The following SYN2 variants were observed in gnomAD, a reference collection of about 807,000 sequenced individuals.
SYN2 encodes synapsin II, also known as synapsin-2.
In SYN2, 19 loss-of-function variants were observed where a neutral mutation model predicts 50.9. That is an observed-to-expected ratio of 0.37 (90% confidence interval 0.26 to 0.55). The LOEUF is 0.55. SYN2 is among the 20% of genes least tolerant of loss of function. The pLI is 0.81. For synonymous variants in SYN2, 255 were observed against 224.9 expected, an observed-to-expected ratio of 1.13 and a Z score of -1.20; for missense variants, 587 against 576.4, an observed-to-expected ratio of 1.02 and a Z score of -0.19.
Position 12,162,145 on chromosome 3 carries a change from A to G in SYN2, c.971A>G (p.Lys324Arg). Reference sequence around the variant, plus strand: ...GTCCAGAAGATTGGCAACAACTACAAGGCTTACATGTGAGTAAGAGTGGGG... The same window carrying G: ...GTCCAGAAGATTGGCAACAACTACAGGGCTTACATGTGAGTAAGAGTGGGG... ...IRVQKIGNNY[K>R]AYMRTSISGN... The change falls in exon 7 of 13, where the codon AAG becomes AGG. Residue 324 changes from lysine (K) to arginine (R), a missense_variant. Transcript: ENST00000621198. The G allele has an allele frequency of 6.2e-7, 1 of 1,614,104 alleles. No individual in the cohort carries two copies. Among genetic ancestry groups the G allele is most frequent in the Non-Finnish European group, 8.5e-7 (1 of 1,179,992 alleles).
At position 12,113,113 on chromosome 3, in the gene SYN2, A is replaced by C. The variant is rs189365816; in HGVS notation, c.378-27538A>C. Among the ~76,000 whole-genome samples the C allele has an allele frequency of 2.0e-5, 3 of 152,246 alleles. No individual in the cohort carries two copies. In the East Asian group the frequency reaches 5.8e-4, roughly 29 times the overall value. On this transcript the variant is annotated intron_variant, in intron 1 of 12. Coordinates refer to ENST00000621198, the MANE Select transcript of SYN2 (RefSeq NM_133625.6). ...TAGTCTGTCTGTTATCATCCTAAAG[A>C]AGCATTTCATTCTCTTCTCTGTTCT...
intron 1 of SYN2, among the ~76,000 whole-genome samples, chr3:12,134,019 ATAGATAGTGGTGG>A (rs1696842871): frequency 6.6e-6 from 1 of 152,204 alleles, no homozygotes; most frequent in African/African-American, 2.4e-5. Flanking sequence ...GTTTTGAAAA[ATAGATAGTGGTGG>A]TGGTTGCACG....
intron 10 of SYN2, among the ~76,000 whole-genome samples, chr3:12,170,904 G>C (rs1271997358): frequency 6.6e-6 from 1 of 152,180 alleles, no homozygotes; most frequent in Admixed American, 6.5e-5. Context: ...TATTAGCTTC[G>C]TGACCAGCAC....
rs954915687 is a variant in SYN2 at position 12,187,660 on chromosome 3, T to A, written c.1613+48T>A. The A allele has an allele frequency of 2.7e-6, 4 of 1,494,464 alleles. No individual in the cohort carries two copies. The Admixed American group carries it at 6.6e-5, about 25-fold the overall frequency. 92.6% of individuals were successfully genotyped at this position (1,494,464 alleles called of 1,614,324 possible). A position where few individuals can be genotyped will look rare whatever the true frequency, so the allele number is the denominator to read the frequency against. ...CTCCCTCCCCTCCTCCTACCCTTCC[T>A]GTGGGCCTTGGGCTCCAGAGCTGCT... On this transcript the variant is annotated intron_variant, in intron 12 of 12. Transcript: ENST00000621198.
In SYN2 at chr3:12,190,676, A is replaced by G; in HGVS notation, c.*51A>G. 6.3e-7 allele frequency: 1 copy of G among 1,594,012 alleles called. No individual in the cohort carries two copies. The highest frequency in any genetic ancestry group is 2.2e-5 in the East Asian group (1 of 44,602). On this transcript the variant is annotated 3_prime_UTR_variant, in exon 13 of 13. Coordinates refer to ENST00000621198, the MANE Select transcript of SYN2 (RefSeq NM_133625.6). Reference sequence around the variant, plus strand: ...CCCAACCGGGAAAGGCATCTAAGACATTCACCAACAACAGTCAGCCAGCTT... The same window carrying G: ...CCCAACCGGGAAAGGCATCTAAGACGTTCACCAACAACAGTCAGCCAGCTT...
At chr3:12,129,721 T>G (rs1266411974) in intron 1 of SYN2, among the ~76,000 whole-genome samples, 1 of 152,184 alleles carries the variant, frequency 6.6e-6, no homozygotes, top group African/African-American at 2.4e-5. Context: ...CTTGTTCCCT[T>G]AAGTCCCAGG....
chr3:12,131,617 C>T (rs1696798027), intron 1 of SYN2, among the ~76,000 whole-genome samples: 1 of 151,810 alleles, frequency 6.6e-6, no homozygotes, highest in Non-Finnish European at 1.5e-5. Context: ...TGCATCTAAT[C>T]TTCCCGTCAT....
At chr3:12,146,128 A>G (rs1697144742) in intron 4 of SYN2, among the ~76,000 whole-genome samples, 1 of 152,222 alleles carries the variant, frequency 6.6e-6, no homozygotes, top group African/African-American at 2.4e-5. Flanking sequence ...AAGTCGCACA[A>G]AGATACCGTG....
intron 1 of SYN2, among the ~76,000 whole-genome samples, chr3:12,115,660 C>G (rs1331119713): frequency 6.6e-6 from 1 of 152,162 alleles, no homozygotes; most frequent in East Asian, 1.9e-4. Context: ...TACATAGGAA[C>G]TTAAATCCCA....
At chr3:12,175,784 G>A (rs1158892159) in intron 10 of SYN2, among the ~76,000 whole-genome samples, 2 of 152,230 alleles carry the variant, frequency 1.3e-5, no homozygotes, top group African/African-American at 4.8e-5. Context: ...AACGCAAAGA[G>A]CAAAGACATG....
chr3:12,099,319 A>C (rs545752810), intron 1 of SYN2, among the ~76,000 whole-genome samples: 1 of 152,320 alleles, frequency 6.6e-6, no homozygotes, highest in African/African-American at 2.4e-5. Flanking sequence ...TCCATAAAGC[A>C]AATCTCAATA....
At chr3:12,022,532 C>T (rs546492769) in intron 1 of SYN2, among the ~76,000 whole-genome samples, 7 of 152,092 alleles carry the variant, frequency 4.6e-5, no homozygotes, top group South Asian at 2.1e-4. Flanking sequence ...CTTAGCCTCC[C>T]GAGTAGCTGG....
intron 1 of SYN2, among the ~76,000 whole-genome samples, chr3:12,056,169 G>GTT (rs963074533): frequency 1.4e-5 from 2 of 143,466 alleles, no homozygotes; most frequent in Non-Finnish European, 3.1e-5. Context: ...GTTGTGTTTT[G>GTT]TTTTTTTTTT....
chr3:12,020,799 G>C (rs968090960), intron 1 of SYN2, among the ~76,000 whole-genome samples: 1 of 152,100 alleles, frequency 6.6e-6, no homozygotes, highest in Non-Finnish European at 1.5e-5. Context: ...GCTGTAACGC[G>C]AGCACAAGAA....
chr3:12,007,942 A>G (rs1426778215), intron 1 of SYN2, among the ~76,000 whole-genome samples: 1 of 152,186 alleles, frequency 6.6e-6, no homozygotes, highest in Non-Finnish European at 1.5e-5. Flanking sequence ...TCGTTGAAAA[A>G]TTTATCTGTG....
chr3:12,045,602 ACTATG>A (rs2308169), intron 1 of SYN2, among the ~76,000 whole-genome samples: 96,885 of 151,432 alleles, frequency 0.64, 33,498 homozygotes, highest in South Asian at 0.78. Context: ...AAGTACTTTC[ACTATG>A]CTGTAGCCCG....
intron 1 of SYN2, among the ~76,000 whole-genome samples, chr3:12,015,657 C>A (rs188722076): frequency 6.6e-6 from 1 of 152,190 alleles, no homozygotes; most frequent in Non-Finnish European, 1.5e-5. Context: ...AGGCTGATTA[C>A]GTACCTGCTC....
At chr3:12,184,119 A>G in intron 11 of SYN2, 1 of 985,956 alleles carries the variant, frequency 1.0e-6, no homozygotes, top group South Asian at 4.7e-5. Context: ...TAGTGATGAC[A>G]TGAAATACAA....
chr3:12,059,505 G>T (rs751232180), intron 1 of SYN2, among the ~76,000 whole-genome samples: 1 of 152,076 alleles, frequency 6.6e-6, no homozygotes, highest in African/African-American at 2.4e-5. Flanking sequence ...TTAAAACAAA[G>T]AACGGTGGTC....
Sources: allele counts gnomAD v4.1 joint callset (sites outside exome capture counted in the v4.1 genomes callset), GRCh38; gene constraint gnomAD v4.1.1; transcripts MANE v1.5; gene names NCBI Gene and HGNC (gene_info 2026-07-23, HGNC 2026-07-21).